KDM3B: variants seen among roughly 807,000 people sequenced by gnomAD.
The protein encoded by KDM3B is lysine demethylase 3B.
Under a neutral mutation model 170.0 loss-of-function variants are expected in KDM3B, and 10 were observed. That is an observed-to-expected ratio of 0.06 (90% CI 0.04 to 0.10). The LOEUF is 0.10. Among genes scored for constraint, KDM3B ranks in the 10% least tolerant of loss-of-function variants. The pLI, the probability that KDM3B is intolerant of heterozygous loss-of-function variation, is 1.00. For synonymous variants in KDM3B, 831 were observed against 834.8 expected (o/e 1.00, Z 0.08); for missense variants, 1,394 against 2,195.2 (o/e 0.64, Z 7.29).
At chr5:138,423,516 T>C (rs1170660935) in intron 15 of KDM3B, among the ~76,000 whole-genome samples, 1 of 152,192 alleles carries the variant, frequency 6.6e-6, no homozygotes, top group East Asian at 1.9e-4. Flanking sequence ...TGAGTGATTC[T>C]CAGTGGGATG....
At chr5:138,429,702 C>A in intron 20 of KDM3B, 124 bp from the exon 21 acceptor site, 1 of 1,045,430 alleles carries the variant, frequency 9.6e-7, no homozygotes, top group Non-Finnish European at 1.4e-6. Flanking sequence ...TTTTCTGATT[C>A]TGCCTTACAT....
intron 16 of KDM3B, 23 bp from the exon 17 acceptor site, chr5:138,425,388 T>C: frequency 1.9e-6 from 3 of 1,610,580 alleles, no homozygotes; most frequent in Non-Finnish European, 2.5e-6. Flanking sequence ...ATTGCTCTGA[T>C]TGGGATATTT....
At chr5:138,402,038 C>T (rs1762707228) in intron 11 of KDM3B, among the ~76,000 whole-genome samples, 1 of 151,988 alleles carries the variant, frequency 6.6e-6, no homozygotes, top group African/African-American at 2.4e-5. Flanking sequence ...AAGCAGTTCT[C>T]CCACCTAAGC....
At chr5:138,427,377 T>C (rs1580957756) in intron 19 of KDM3B, 58 bp downstream of exon 19, 2 of 1,561,206 alleles carry the variant, frequency 1.3e-6, no homozygotes, top group Non-Finnish European at 1.8e-6. Flanking sequence ...ATTTCAACTA[T>C]AGAAGGATAT....
At chr5:138,404,464 C>T (rs1432968730) in intron 11 of KDM3B, among the ~76,000 whole-genome samples, 3 of 151,956 alleles carry the variant, frequency 2.0e-5, no homozygotes, top group Non-Finnish European at 2.9e-5. Context: ...CCTGTCTCTA[C>T]TAAAAATACA....
At chr5:138,406,698 A>T (rs1475266757) in intron 11 of KDM3B, among the ~76,000 whole-genome samples, 2 of 152,176 alleles carry the variant, frequency 1.3e-5, no homozygotes, top group African/African-American at 4.8e-5. Flanking sequence ...TGAGAAAAAG[A>T]TATTTTATAT....
intron 1 of KDM3B, among the ~76,000 whole-genome samples, chr5:138,354,523 T>TG: frequency 6.6e-6 from 1 of 152,352 alleles, no homozygotes; most frequent in Non-Finnish European, 1.5e-5. Flanking sequence ...TTCTGGTTCT[T>TG]GCAGTGGTCG....
At chr5:138,357,651 TGC>T (rs769141667) in intron 1 of KDM3B, among the ~76,000 whole-genome samples, 1 of 152,190 alleles carries the variant, frequency 6.6e-6, no homozygotes, top group Non-Finnish European at 1.5e-5. Flanking sequence ...TGAGCCACCA[TGC>T]CCAGCCAACA....
At chr5:138,385,188 A>G (rs1762227761) in intron 6 of KDM3B, among the ~76,000 whole-genome samples, 1 of 151,602 alleles carries the variant, frequency 6.6e-6, no homozygotes, top group Non-Finnish European at 1.5e-5. Context: ...TGCCTGGCTG[A>G]TTTTGTATTT....
Position 138,420,903 on chromosome 5 carries a change from C to G in KDM3B, c.3913C>G (p.Pro1305Ala). 6.2e-7 allele frequency: 1 copy of G among 1,614,138 alleles called. No homozygotes were observed. The highest frequency in any genetic ancestry group is 1.3e-5 in the African/African-American group (1 of 75,040). ...DLLHSGPGKL[P>A]QTPLDTGIPF... ...CCTTCACTCCGGGCCGGGAAAACTT[C>G]CTCAAACCCCCTTGGACACAGGCAT... is the stretch of plus-strand genomic sequence containing the variant. Residue 1305 changes from proline (P) to alanine (A), a missense_variant, in exon 15 of 24, where the codon CCT becomes GCT. Physicochemically the swap from Pro to Ala is conservative, Grantham distance 27. Transcript: ENST00000314358.
In KDM3B at chr5:138,430,257, A is replaced by C. The variant is rs150239034; in HGVS notation, c.4902A>C (p.Glu1634Asp). The change falls in exon 22 of 24, where the codon GAA becomes GAC. Residue 1634 changes from glutamate (E) to aspartate (D), a missense_variant. By Grantham distance (45) the Glu-to-Asp change is conservative. Transcript: ENST00000314358. ...TTTGATTATGGCTTCAGGTTGGAGA[A>C]GAACAAGGCCAAGAGAACCCCCCTG... ...KIRELLRKVG[E>D]EQGQENPPDH... The C allele has an allele frequency of 6.2e-6, 10 of 1,613,468 alleles. No individual in the cohort carries two copies. In the African/African-American group the frequency reaches 1.3e-4, roughly 22 times the overall value.
intron 1 of KDM3B, among the ~76,000 whole-genome samples, chr5:138,358,303 TTTC>T (rs1761507667): frequency 1.9e-5 from 1 of 51,688 alleles, no homozygotes; most frequent in African/African-American, 6.0e-5. Context: ...TCTTTCTTTC[TTTC>T]TTTTTTTTTT....
At chr5:138,358,828 A>G (rs1485513345) in intron 1 of KDM3B, among the ~76,000 whole-genome samples, 1 of 151,042 alleles carries the variant, frequency 6.6e-6, no homozygotes, top group Non-Finnish European at 1.5e-5. Flanking sequence ...GTTTTAGGGT[A>G]TATGTGCACA....
chr5:138,364,213 C>A (rs766844128), intron 1 of KDM3B, among the ~76,000 whole-genome samples: 2 of 152,012 alleles, frequency 1.3e-5, no homozygotes, highest in Non-Finnish European at 2.9e-5. Context: ...GCCAGCGCAC[C>A]CAGCCTGTTA....
At chr5:138,371,686 T>C (rs1221878563) in intron 1 of KDM3B, among the ~76,000 whole-genome samples, 1 of 152,108 alleles carries the variant, frequency 6.6e-6, no homozygotes, top group Non-Finnish European at 1.5e-5. Context: ...CACATGCAGC[T>C]GGGTGTGGTG....
chr5:138,404,426 G>A (rs947993561), intron 11 of KDM3B, among the ~76,000 whole-genome samples: 3 of 152,108 alleles, frequency 2.0e-5, no homozygotes, highest in Non-Finnish European at 4.4e-5. Flanking sequence ...TCGGGAGTTC[G>A]AGACCAACCT....
intron 1 of KDM3B, among the ~76,000 whole-genome samples, chr5:138,366,543 A>T (rs1469193652): frequency 2.6e-5 from 4 of 152,054 alleles, no homozygotes; most frequent in East Asian, 3.9e-4. Flanking sequence ...GTTACCCAGG[A>T]TGGTCTCAAA....
intron 6 of KDM3B, among the ~76,000 whole-genome samples, chr5:138,384,653 C>T (rs531322600): frequency 6.6e-6 from 1 of 151,210 alleles, no homozygotes; most frequent in African/African-American, 2.4e-5. Flanking sequence ...GCAGGAGATT[C>T]GCTTGAGCCT....
rs372219279 is a variant in KDM3B, at chr5:138,386,266, C to A, written c.1025C>A (p.Pro342Gln). The stretch of plus-strand genomic sequence containing the variant: ...GGGCTGGATCAGAGAGCCAAGCAGC[C>A]ACCGTCTACATTTGTCCCCCAGATA... ...EPGLDQRAKQPPSTFVPQINR... is the reference protein window; with the variant it reads ...EPGLDQRAKQQPSTFVPQINR... The change falls in exon 7 of 24, where the codon CCA becomes CAA. Residue 342 changes from proline (P) to glutamine (Q), a missense_variant. Pro to Gln is a moderately conservative substitution (Grantham distance 76). Transcript: ENST00000314358. 1 of 1,614,128 alleles carries A rather than the reference C, an allele frequency of 6.2e-7. No homozygotes were observed. The highest frequency in any genetic ancestry group is 8.5e-7 in the Non-Finnish European group (1 of 1,180,030).
Sources: allele counts gnomAD v4.1 joint callset (sites outside exome capture counted in the v4.1 genomes callset), GRCh38; gene constraint gnomAD v4.1.1; transcripts MANE v1.5; gene names NCBI Gene and HGNC (gene_info 2026-07-23, HGNC 2026-07-21).